CSMD1: variants seen among roughly 807,000 people sequenced by gnomAD.
CSMD1 encodes CUB and sushi domain-containing protein 1.
In CSMD1, 213 loss-of-function variants were observed where a neutral mutation model predicts 417.5. The ratio of observed to expected loss-of-function variants is 0.51; its 90% CI spans 0.46 to 0.57. The LOEUF (loss-of-function observed/expected upper bound fraction) is 0.57, where lower values mean the gene tolerates loss of function less well. Among genes scored for constraint, CSMD1 ranks in the 20% least tolerant of loss-of-function variants. CSMD1 has a pLI of 0.00. For synonymous variants in CSMD1, 2,862 were observed against 1,736.8 expected (o/e 1.65, Z -16.11); for missense variants, 6,923 against 4,529.7 (o/e 1.53, Z -15.17).
At chr8:3,295,876 A>C (rs932936259) in intron 25 of CSMD1, among the ~76,000 whole-genome samples, 1 of 152,142 alleles carries the variant, frequency 6.6e-6, no homozygotes, top group Non-Finnish European at 1.5e-5. Flanking sequence ...GATTTAGTTC[A>C]ATAATTCAAC....
At chr8:3,683,431 T>G (rs754908398) in intron 7 of CSMD1, among the ~76,000 whole-genome samples, 1 of 152,062 alleles carries the variant, frequency 6.6e-6, no homozygotes, top group Non-Finnish European at 1.5e-5. Context: ...TGAAACTATC[T>G]GCCTAAAGGG....
chr8:4,840,507 T>A (rs961194425), intron 1 of CSMD1, among the ~76,000 whole-genome samples: 2 of 152,182 alleles, frequency 1.3e-5, no homozygotes, highest in Non-Finnish European at 2.9e-5. Flanking sequence ...TAAATTAAGT[T>A]ATGGTGGTGA....
intron 3 of CSMD1, among the ~76,000 whole-genome samples, chr8:4,374,296 A>G (rs1802579727): frequency 6.6e-6 from 1 of 152,198 alleles, no homozygotes; most frequent in Non-Finnish European, 1.5e-5. Flanking sequence ...GTTATGCTGT[A>G]TTAGAGTACA....
intron 7 of CSMD1, among the ~76,000 whole-genome samples, chr8:3,624,929 C>T (rs1223799917): frequency 1.3e-5 from 2 of 152,072 alleles, no homozygotes; most frequent in African/African-American, 2.4e-5. Flanking sequence ...CATGCCACAC[C>T]CTTCTTCAAA....
rs144117906 is a variant in CSMD1 at position 3,296,962 on chromosome 8, C to G, written c.3950+10733G>C. Among the ~76,000 whole-genome samples the G allele has an allele frequency of 2.3e-3, 350 of 152,198 alleles. 3 individuals carry two copies. Among genetic ancestry groups the G allele is most frequent in the African/African-American group, 8.0e-3 (334 of 41,522 alleles). ...GAGTGGAGAAAATAAACATGTATGTCTTCAACAAAGAAATAGTTTATAAAC... is the reference window on the plus strand; with the variant it reads ...GAGTGGAGAAAATAAACATGTATGTGTTCAACAAAGAAATAGTTTATAAAC... On this transcript the variant is annotated intron_variant, in intron 25 of 69. Transcript: ENST00000635120.
chr8:3,504,256 A>G (rs1398788052), intron 10 of CSMD1, among the ~76,000 whole-genome samples: 1 of 64,932 alleles, frequency 1.5e-5, no homozygotes, highest in East Asian at 5.5e-4. Flanking sequence ...CTTTAAAAAA[A>G]CATTTTTTTT....
chr8:3,768,971 G>A (rs1207524871), intron 5 of CSMD1, among the ~76,000 whole-genome samples: 1 of 152,236 alleles, frequency 6.6e-6, no homozygotes, highest in East Asian at 1.9e-4. Flanking sequence ...GAACAGGAAA[G>A]GCCTGGCGGA....
chr8:4,764,895 C>CAAAAAAA (rs763804321), intron 1 of CSMD1, among the ~76,000 whole-genome samples: 2 of 30,570 alleles, frequency 6.5e-5, no homozygotes, highest in African/African-American at 1.3e-4. Flanking sequence ...AAAAAAAAAA[C>CAAAAAAA]AACAACAACA....
At chr8:2,992,486 T>C (rs1051687295) in intron 54 of CSMD1, among the ~76,000 whole-genome samples, 1 of 151,936 alleles carries the variant, frequency 6.6e-6, no homozygotes, top group Non-Finnish European at 1.5e-5. Flanking sequence ...TGCAGTGGCG[T>C]GATCTTGGCT....
chr8:3,841,326 C>T (rs370975510), intron 5 of CSMD1, among the ~76,000 whole-genome samples: 3 of 152,130 alleles, frequency 2.0e-5, no homozygotes, highest in Non-Finnish European at 4.4e-5. Context: ...AATAAATTGG[C>T]ATCAAGTGCA....
chr8:4,368,163 T>A (rs901942384), intron 3 of CSMD1, among the ~76,000 whole-genome samples: 3 of 152,174 alleles, frequency 2.0e-5, no homozygotes, highest in Admixed American at 2.0e-4. Context: ...TTGAGATATA[T>A]TCCTTCAATG....
chr8:3,534,189 T>C (rs547226628), intron 10 of CSMD1, among the ~76,000 whole-genome samples: 38 of 152,284 alleles, frequency 2.5e-4, no homozygotes, highest in Admixed American at 6.5e-4. Flanking sequence ...GTTTCATCAC[T>C]TACTCACTCC....
intron 6 of CSMD1, among the ~76,000 whole-genome samples, chr8:3,739,600 A>G (rs17067281): frequency 6.6e-6 from 1 of 152,184 alleles, no homozygotes; most frequent in South Asian, 2.1e-4. Flanking sequence ...AAACTAACAC[A>G]TTAAGTCTCT....
chr8:4,692,736 G>A (rs547669716), intron 1 of CSMD1, among the ~76,000 whole-genome samples: 52 of 152,272 alleles, frequency 3.4e-4, no homozygotes, highest in African/African-American at 1.2e-3. Flanking sequence ...TGCAAATCAG[G>A]ATGATCTCAC....
At chr8:3,799,213 T>C (rs1280921936) in intron 5 of CSMD1, among the ~76,000 whole-genome samples, 3 of 152,014 alleles carry the variant, frequency 2.0e-5, no homozygotes, top group African/African-American at 7.2e-5. Flanking sequence ...TAACTTACCT[T>C]TCACAACTGA....
chr8:3,883,007 T>C (rs574337371), intron 5 of CSMD1, among the ~76,000 whole-genome samples: 37 of 152,290 alleles, frequency 2.4e-4, no homozygotes, highest in Admixed American at 2.0e-3. Context: ...CACTTCTGCA[T>C]GCATATTTTA....
At chr8:3,406,362 AGAT>A in intron 14 of CSMD1, 141 bp from the exon 15 acceptor site, 2 of 149,790 alleles carry the variant, frequency 1.3e-5, no homozygotes, top group Non-Finnish European at 2.3e-5. Flanking sequence ...TATCATTCAT[AGAT>A]AGATAATACA....
chr8:4,965,810 A>G (rs1467179971), intron 1 of CSMD1, among the ~76,000 whole-genome samples: 1 of 152,226 alleles, frequency 6.6e-6, no homozygotes, highest in Non-Finnish European at 1.5e-5. Flanking sequence ...TTCCAGAGAC[A>G]TCTGGAACAA....
chr8:3,307,447 G>T (rs1032331290), intron 25 of CSMD1, among the ~76,000 whole-genome samples: 1 of 152,130 alleles, frequency 6.6e-6, no homozygotes, highest in East Asian at 1.9e-4. Flanking sequence ...TTGGGGGATA[G>T]TTTGTTATGC....
Sources: gnomAD v4.1 joint callset for allele counts (sites outside exome capture counted in the v4.1 genomes callset) on GRCh38, gnomAD v4.1.1 for gene constraint, MANE v1.5 for transcripts, NCBI Gene and HGNC (gene_info 2026-07-23, HGNC 2026-07-21) for gene names.